The following ZFHX3 variants were observed in gnomAD, a reference collection of about 807,000 sequenced individuals.
ZFHX3 encodes zinc finger homeobox protein 3.
In ZFHX3, 42 loss-of-function variants were observed where a neutral mutation model predicts 279.1. That is an observed-to-expected ratio of 0.15 (90% CI 0.12 to 0.19). The LOEUF (loss-of-function observed/expected upper bound fraction) is 0.19. Among genes scored for constraint, ZFHX3 ranks in the 10% least tolerant of loss-of-function variants. ZFHX3 has a pLI of 1.00. For synonymous variants in ZFHX3, 2,293 were observed against 1,957.8 expected (o/e 1.17, Z -4.52); for missense variants, 4,981 against 4,754.0 (o/e 1.05, Z -1.40).
chr16:72,908,594 A>G (rs1015546823), intron 3 of ZFHX3, among the ~76,000 whole-genome samples: 1 of 152,228 alleles, frequency 6.6e-6, no homozygotes, highest in African/African-American at 2.4e-5. Context: ...AGAACCTGTT[A>G]GGAGGACTGG....
intron 4 of ZFHX3, among the ~76,000 whole-genome samples, chr16:73,302,155 C>T (rs1301604402): frequency 6.6e-6 from 1 of 152,030 alleles, no homozygotes; most frequent in Non-Finnish European, 1.5e-5. Flanking sequence ...AGAAAGCTCC[C>T]TTTCTCTTTC....
At position 73,529,591 on chromosome 16, in the gene ZFHX3, G is replaced by A. The variant is rs376111090; in HGVS notation, c.-1546-73333C>T. Among the ~76,000 whole-genome samples, 11 of 152,304 alleles carry A rather than the reference G, an allele frequency of 7.2e-5. No homozygotes were observed. The East Asian group carries it at 1.9e-3, about 27-fold the overall frequency. On this transcript the variant is annotated intron_variant, in intron 2 of 17. Coordinates refer to the ZFHX3 transcript ENST00000641206. The stretch of plus-strand genomic sequence containing the variant: ...AGTAGGCTTGATGAAACTACTCTCT[G>A]GCCAGTGCCCCTTGTCCAGGGGACA...
intron 4 of ZFHX3, among the ~76,000 whole-genome samples, chr16:73,282,184 C>A (rs1045487051): frequency 6.6e-6 from 1 of 152,170 alleles, no homozygotes; most frequent in Non-Finnish European, 1.5e-5. Context: ...GTTCCCAGTC[C>A]TAAGTAGCGT....
In ZFHX3 at chr16:73,718,773, G is replaced by A. The variant is rs1170340424; in HGVS notation, c.-1607-38533C>T. ...TGGGACTACAGGCGCACACCACCAC[G>A]TCCAGCTAATTTTTGTATTTTTAAT... On this transcript the variant is annotated intron_variant, in intron 1 of 17. Coordinates refer to the ZFHX3 transcript ENST00000641206. Among the ~76,000 whole-genome samples, 7 of 151,876 alleles carry A rather than the reference G, an allele frequency of 4.6e-5. No homozygotes were observed. The East Asian group carries it at 9.8e-4, about 21-fold the overall frequency.
intron 4 of ZFHX3, among the ~76,000 whole-genome samples, chr16:72,865,420 G>T (rs753596933): frequency 6.6e-6 from 1 of 152,162 alleles, no homozygotes; most frequent in Non-Finnish European, 1.5e-5. Flanking sequence ...CCTTCATGGC[G>T]GCCCTGTGCT....
chr16:73,023,228 GAATA>G (rs952290145), intron 1 of ZFHX3, among the ~76,000 whole-genome samples: 7 of 152,192 alleles, frequency 4.6e-5, no homozygotes, highest in African/African-American at 1.4e-4. Context: ...TCTGTCTCAA[GAATA>G]AATAAATAAA....
chr16:73,055,034 C>T (rs1265497205), intron 1 of ZFHX3, among the ~76,000 whole-genome samples: 1 of 143,128 alleles, frequency 7.0e-6, no homozygotes, highest in African/African-American at 2.6e-5. Context: ...GTGAAGCCAG[C>T]AAAGGGAGAG....
intron 2 of ZFHX3, among the ~76,000 whole-genome samples, chr16:73,653,435 A>T (rs1275452531): frequency 6.6e-6 from 1 of 152,224 alleles, no homozygotes; most frequent in Non-Finnish European, 1.5e-5. Flanking sequence ...AAACAAAAAT[A>T]AAACTAGAAA....
intron 4 of ZFHX3, among the ~76,000 whole-genome samples, chr16:73,289,694 G>T (rs927058258): frequency 7.9e-5 from 12 of 152,046 alleles, no homozygotes; most frequent in African/African-American, 2.9e-4. Context: ...GCTGGTCTCG[G>T]TCCTACTGGT....
At chr16:73,834,108 G>A (rs1470452760) in intron 1 of ZFHX3, among the ~76,000 whole-genome samples, 6 of 152,100 alleles carry the variant, frequency 3.9e-5, no homozygotes, top group Admixed American at 2.6e-4. Flanking sequence ...ACCTGGCCAA[G>A]GTGAGCCTCT....
At chr16:73,015,040 CTTTT>C (rs67778248) in intron 1 of ZFHX3, 5 of 95,092 alleles carry the variant, frequency 5.3e-5, no homozygotes, top group Admixed American at 1.1e-4. Context: ...AGAGCTGTGT[CTTTT>C]TTTTTTTTTT....
At chr16:73,490,621 C>T (rs967902553) in intron 2 of ZFHX3, among the ~76,000 whole-genome samples, 9 of 152,050 alleles carry the variant, frequency 5.9e-5, no homozygotes, top group East Asian at 1.9e-4. Context: ...GCAGATAGCT[C>T]GAGCCCAGGA....
chr16:73,868,748 T>C (rs892119212), intron 1 of ZFHX3, among the ~76,000 whole-genome samples: 1 of 152,150 alleles, frequency 6.6e-6, no homozygotes, highest in Admixed American at 6.5e-5. Flanking sequence ...TTACTAAGTG[T>C]ACACTGAAGG....
intron 3 of ZFHX3, among the ~76,000 whole-genome samples, chr16:72,924,898 C>G (rs1959359083): frequency 6.6e-6 from 1 of 152,172 alleles, no homozygotes. Context: ...GGACTTCAGT[C>G]CCATTTCCTC....
intron 4 of ZFHX3, among the ~76,000 whole-genome samples, chr16:73,283,809 C>G (rs939734784): frequency 1.3e-5 from 2 of 151,832 alleles, no homozygotes; most frequent in African/African-American, 2.4e-5. Flanking sequence ...ATTAGCCAGG[C>G]CTGGTGGTGC....
At chr16:73,651,544 A>G (rs1467676268) in intron 2 of ZFHX3, among the ~76,000 whole-genome samples, 3 of 151,956 alleles carry the variant, frequency 2.0e-5, no homozygotes, top group Non-Finnish European at 4.4e-5. Context: ...TAATAATATA[A>G]TAAAAAGACA....
intron 3 of ZFHX3, among the ~76,000 whole-genome samples, chr16:73,370,269 C>T (rs764737189): frequency 5.9e-5 from 9 of 152,230 alleles, no homozygotes; most frequent in South Asian, 2.1e-4. Context: ...GTGTCAGCTT[C>T]GGGAGTCAGA....
At chr16:73,093,900 G>T in intron 7 of ZFHX3, 1 of 221,948 alleles carries the variant, frequency 4.5e-6, no homozygotes, top group Non-Finnish European at 9.2e-6. Context: ...AGTAGAGCTG[G>T]GGCGGTGGTG....
intron 1 of ZFHX3, among the ~76,000 whole-genome samples, chr16:72,968,565 ATTC>A (rs1961956048): frequency 6.6e-6 from 1 of 151,210 alleles, no homozygotes; most frequent in Non-Finnish European, 1.5e-5. Flanking sequence ...GGTTCAAGCA[ATTC>A]TTCTGCCTCA....
Sources: allele counts gnomAD v4.1 joint callset (sites outside exome capture counted in the v4.1 genomes callset), GRCh38; gene constraint gnomAD v4.1.1; transcripts MANE v1.5; gene names NCBI Gene and HGNC (gene_info 2026-07-23, HGNC 2026-07-21).